The following FBXO38 variants were observed in gnomAD, a reference collection of about 807,000 sequenced individuals.
FBXO38 encodes F-box protein 38.
A neutral mutation model predicts 131.9 loss-of-function variants in FBXO38; 53 were observed. That is an observed-to-expected ratio of 0.40 (90% confidence interval 0.32 to 0.51). The LOEUF (loss-of-function observed/expected upper bound fraction) is 0.51, where lower values mean the gene tolerates loss of function less well. FBXO38 is among the 20% of genes least tolerant of loss of function. The pLI is 0.53. For missense variants in FBXO38, 1,076 were observed against 1,475.6 expected, an observed-to-expected ratio of 0.73 and a Z score of 4.44; for synonymous variants, 452 against 505.6, an observed-to-expected ratio of 0.89 and a Z score of 1.42.
chr5:148,391,240 T>A (rs994557367), intron 1 of FBXO38, among the ~76,000 whole-genome samples: 1 of 152,222 alleles, frequency 6.6e-6, no homozygotes, highest in African/African-American at 2.4e-5. Context: ...TCGAAGCTAC[T>A]GGATGTATAT....
At chr5:148,426,695 G>A (rs1753729162) in intron 14 of FBXO38, among the ~76,000 whole-genome samples, 1 of 152,146 alleles carries the variant, frequency 6.6e-6, no homozygotes, top group Non-Finnish European at 1.5e-5. Context: ...GCACTGTGAG[G>A]GATACAGAGA....
In FBXO38 at chr5:148,425,539, C is replaced by T. The variant is rs144744644; in HGVS notation, c.1756C>T (p.Arg586Cys). 6.0e-5 allele frequency: 97 copies of T among 1,612,858 alleles called. No homozygotes were observed. Among genetic ancestry groups the T allele is most frequent in the African/African-American group, 1.1e-4 (8 of 74,792 alleles). The change falls in exon 14 of 22, where the codon CGT becomes TGT. Residue 586 changes from arginine (R) to cysteine (C), a missense_variant. Arg to Cys is a radical substitution (Grantham distance 180). Transcript: ENST00000340253. ...TTTTTAAGGACCCAGTGGTCTTCAGCGTGTAGTAAAACCAACCTCAATTAC... is the reference window on the plus strand; with the variant it reads ...TTTTTAAGGACCCAGTGGTCTTCAGTGTGTAGTAAAACCAACCTCAATTAC... ...EEQAGPSGLQ[R>C]VVKPTSITVH... is the part of the protein sequence containing the mutation.
intron 17 of FBXO38, among the ~76,000 whole-genome samples, chr5:148,435,730 G>A (rs964748723): frequency 3.3e-5 from 5 of 152,030 alleles, no homozygotes; most frequent in African/African-American, 1.2e-4. Flanking sequence ...AGACTGCGCA[G>A]CTGCACTCCA....
At chr5:148,401,617 G>A (rs922683377) in intron 3 of FBXO38, among the ~76,000 whole-genome samples, 3 of 152,118 alleles carry the variant, frequency 2.0e-5, no homozygotes, top group Non-Finnish European at 4.4e-5. Flanking sequence ...TACCCATGGG[G>A]GAGGAGGAGG....
In FBXO38 at chr5:148,424,413, A is replaced by G. The variant is rs78775872; in HGVS notation, c.1738+296A>G. On this transcript the variant is annotated intron_variant, in intron 13 of 21. Transcript: ENST00000340253. ...AAAACACTCAAATTGTTGATGGGAA[A>G]ATAAATGACCTGATTAAATATTCTG... 9.4e-3 allele frequency among the ~76,000 whole-genome samples: 1,433 copies of G among 152,332 alleles called. 21 individuals are homozygous for G. Among genetic ancestry groups the G allele is most frequent in the African/African-American group, 0.032 (1,318 of 41,572 alleles).
At position 148,425,557 on chromosome 5, in the gene FBXO38, T is replaced by G. The variant is rs10043775; in HGVS notation, c.1774T>G (p.Ser592Ala). 7 of 1,613,342 alleles carry G rather than the reference T, an allele frequency of 4.3e-6. No individual in the cohort carries two copies. Among genetic ancestry groups the G allele is most frequent in the Non-Finnish European group, 5.9e-6 (7 of 1,179,580 alleles). The change falls in exon 14 of 22, where the codon TCA (serine) becomes GCA (alanine). Residue 592 changes from serine (S) to alanine (A), a missense_variant. Transcript: ENST00000340253. ...TCTTCAGCGTGTAGTAAAACCAACC[T>G]CAATTACTGTTCATGATTCAGAGAG... is the stretch of plus-strand genomic sequence containing the variant. ...SGLQRVVKPT[S>A]ITVHDSESDD...
At chr5:148,433,203 A>AG in intron 15 of FBXO38, 1 of 438,086 alleles carries the variant, frequency 2.3e-6, no homozygotes, top group South Asian at 2.9e-5. Context: ...CCTAGGCATG[A>AG]GAAGGGTTGT....
intron 12 of FBXO38, among the ~76,000 whole-genome samples, chr5:148,422,767 T>C (rs1395299672): frequency 1.3e-5 from 2 of 152,206 alleles, no homozygotes; most frequent in African/African-American, 2.4e-5. Context: ...CCTTATCACA[T>C]TGATGTTTGA....
chr5:148,390,149 T>TA (rs1294594939), intron 1 of FBXO38: 1 of 152,110 alleles, frequency 6.6e-6, no homozygotes, highest in African/African-American at 2.4e-5. Flanking sequence ...TGAGATGAAA[T>TA]ACTCAGCATA....
chr5:148,393,823 C>A (rs1415366526), intron 1 of FBXO38, among the ~76,000 whole-genome samples: 1 of 152,132 alleles, frequency 6.6e-6, no homozygotes, highest in African/African-American at 2.4e-5. Flanking sequence ...TTCCTATAAA[C>A]TTCCCTATAT....
In FBXO38 at chr5:148,427,432, G is replaced by A. The variant is rs745488826; in HGVS notation, c.2138G>A (p.Gly713Glu). ...AGCAGCACCACCGCCAGCACAGTGG[G>A]AAACTCCAGCTCACACAACACTGCT... The part of the protein sequence containing the change: ...SCSSTTASTV[G>E]NSSSHNTASQ... Residue 713 changes from glycine (G) to glutamate (E), a missense_variant, in exon 15 of 22, where the codon GGA (glycine) becomes GAA (glutamate). Gly to Glu is a moderately conservative substitution (Grantham distance 98). Transcript: ENST00000340253. 75 of 1,614,174 alleles carry A rather than the reference G, an allele frequency of 4.6e-5. 1 individual carries two copies. In the South Asian group the frequency reaches 8.1e-4, roughly 17 times the overall value.
chr5:148,397,394 T>C (rs989228853), intron 2 of FBXO38, among the ~76,000 whole-genome samples: 1 of 152,142 alleles, frequency 6.6e-6, no homozygotes, highest in Non-Finnish European at 1.5e-5. Flanking sequence ...TTAAAGGGAG[T>C]AGAATTTTAA....
At chr5:148,401,841 A>AT (rs1752169960) in intron 3 of FBXO38, 141 bp from the exon 4 acceptor site, 1 of 633,434 alleles carries the variant, frequency 1.6e-6, no homozygotes, top group African/African-American at 1.8e-5. Flanking sequence ...ATTTTCTGTT[A>AT]TGTTTATTCA....
At chr5:148,394,380 G>C (rs191373293) in intron 1 of FBXO38, among the ~76,000 whole-genome samples, 3 of 152,208 alleles carry the variant, frequency 2.0e-5, no homozygotes, top group Admixed American at 6.5e-5. Flanking sequence ...ATGATCACAC[G>C]TTACATATGA....
intron 16 of FBXO38, 23 bp downstream of exon 16, chr5:148,433,547 C>T (rs1754163966): frequency 1.9e-6 from 3 of 1,581,138 alleles, no homozygotes; most frequent in Non-Finnish European, 8.7e-7. Context: ...CCCTCACTTA[C>T]CTTTATCACA....
intron 11 of FBXO38, chr5:148,416,768 T>G: frequency 2.0e-6 from 1 of 512,018 alleles, no homozygotes. Context: ...GCAGATCTCT[T>G]CTCCTTGCAT....
At chr5:148,441,289 G>C (rs1309546277) in intron 21 of FBXO38, 52 bp downstream of exon 21, 2 of 1,264,470 alleles carry the variant, frequency 1.6e-6, no homozygotes, top group Admixed American at 3.6e-5. Context: ...ATAGCCTACT[G>C]TGTTACATAC....
intron 12 of FBXO38, among the ~76,000 whole-genome samples, chr5:148,421,260 G>A (rs182707905): frequency 0.011 from 1,743 of 152,164 alleles, 21 homozygotes; most frequent in Non-Finnish European, 0.016. Context: ...CACCACGCCC[G>A]GCCAAGAATT....
In FBXO38 at chr5:148,438,497, A is replaced by C. The variant is rs1754479641; in HGVS notation, c.3023A>C (p.Gln1008Pro). The C allele has an allele frequency of 6.2e-7, 1 of 1,609,802 alleles. No homozygotes were observed. Among genetic ancestry groups the C allele is most frequent in the African/African-American group, 1.3e-5 (1 of 74,628 alleles). The stretch of plus-strand genomic sequence containing the variant: ...ATCATATACCTACGCCCAATGCAGC[A>C]GGTAACGAGCTTTGCTTCTTTCCGA... ...NRIIYLRPMQ[Q>P]VDTLTLEQKL... is the part of the protein sequence containing the mutation. The change falls in exon 18 of 22, where the codon CAG (glutamine) becomes CCG (proline). Residue 1008 changes from glutamine to proline, a missense_variant and splice_region_variant. Gln to Pro is a moderately conservative substitution (Grantham distance 76). Transcript: ENST00000340253.
Sources: allele counts gnomAD v4.1 joint callset (sites outside exome capture counted in the v4.1 genomes callset), GRCh38; gene constraint gnomAD v4.1.1; transcripts MANE v1.5; gene names NCBI Gene and HGNC (gene_info 2026-07-23, HGNC 2026-07-21).